Variants in CCDC110 observed in about 807,000 individuals in gnomAD.
The protein encoded by CCDC110 is coiled-coil domain-containing protein 110.
In CCDC110, 70 loss-of-function variants were observed where a neutral mutation model predicts 77.1. That is an observed-to-expected ratio of 0.91 (90% confidence interval 0.75 to 1.11). The LOEUF is 1.11. Among genes scored for constraint, CCDC110 ranks in the 50% least tolerant of loss-of-function variants. CCDC110 has a pLI of 0.00. For missense variants in CCDC110, 868 were observed against 942.9 expected (o/e 0.92, Z 1.04); for synonymous variants, 295 against 312.5 (o/e 0.94, Z 0.59).
At chr4:185,470,106 T>A (rs1340644928) in intron 2 of CCDC110, among the ~76,000 whole-genome samples, 6 of 152,246 alleles carry the variant, frequency 3.9e-5, no homozygotes, top group Non-Finnish European at 5.9e-5. Context: ...ATTTATGTGG[T>A]GCTTGAAAGC....
At chr4:185,470,669 T>G in intron 2 of CCDC110, 1 of 551,730 alleles carries the variant, frequency 1.8e-6, no homozygotes, top group Non-Finnish European at 3.5e-6. Flanking sequence ...CATTCCTCGC[T>G]GCCTGTGTGA....
In CCDC110 at chr4:185,459,078, C is replaced by T. The variant is rs770486351; in HGVS notation, c.1509G>A (p.Glu503=). Residue 503 remains glutamate, a synonymous_variant, in exon 6 of 7, where the codon GAG becomes GAA. Coordinates refer to ENST00000307588, the MANE Select transcript of CCDC110 (RefSeq NM_152775.4). ...TTATTTTTTTAAATTCTTTAAGACA[C>T]TCTTTGCTGTATTCTTCTGTTTTAC... ...KLSKTEEYSK[E]CLKEFKKIIS... The T allele has an allele frequency of 3.2e-6, 5 of 1,572,960 alleles. No homozygotes were observed. Among genetic ancestry groups the T allele is most frequent in the Non-Finnish European group, 4.3e-6 (5 of 1,153,970 alleles).
chr4:185,451,007 TG>T (rs1175607839), intron 6 of CCDC110, among the ~76,000 whole-genome samples: 1 of 152,196 alleles, frequency 6.6e-6, no homozygotes, highest in African/African-American at 2.4e-5. Context: ...GGGAGGGACC[TG>T]GTAGGAGTTA....
intron 1 of CCDC110, 151 bp downstream of exon 1, chr4:185,471,523 C>T (rs1184877664): frequency 5.7e-6 from 5 of 877,730 alleles, no homozygotes; most frequent in South Asian, 1.6e-5. Flanking sequence ...GGGTGCTCAG[C>T]CCTAGGGCCG....
chr4:185,465,192 G>A (rs930251975), intron 2 of CCDC110, among the ~76,000 whole-genome samples: 2 of 152,204 alleles, frequency 1.3e-5, no homozygotes, highest in Non-Finnish European at 2.9e-5. Context: ...TATTCTGAGT[G>A]ATGTAACTGT....
chr4:185,460,128 A>T lies in CCDC110; in HGVS notation c.459T>A (p.Ser153Arg). 1 of 1,613,468 alleles carries T rather than the reference A, an allele frequency of 6.2e-7. No individual in the cohort carries two copies. The highest frequency in any genetic ancestry group is 8.5e-7 in the Non-Finnish European group (1 of 1,179,874). The change falls in exon 6 of 7, where the codon AGT (serine) becomes AGA (arginine). Residue 153 changes from serine (S) to arginine (R), a missense_variant. Coordinates refer to ENST00000307588, the MANE Select transcript of CCDC110 (RefSeq NM_152775.4). ...EEKLSGDSVN[S>R]LPQSVNVPSQ... is the part of the protein sequence containing the mutation. The stretch of plus-strand genomic sequence containing the variant: ...ATGGAACATTTACACTTTGAGGGAG[A>T]CTGTTCACACTATCACCACTTAATT...
At chr4:185,447,327 G>A (rs909626707) in intron 6 of CCDC110, among the ~76,000 whole-genome samples, 19 of 151,782 alleles carry the variant, frequency 1.3e-4, no homozygotes, top group Middle Eastern at 3.2e-3. Context: ...GACTACAGGC[G>A]CCCGCCACCA....
intron 6 of CCDC110, among the ~76,000 whole-genome samples, chr4:185,447,105 T>C (rs1028156497): frequency 6.6e-6 from 1 of 152,246 alleles, no homozygotes; most frequent in Non-Finnish European, 1.5e-5. Context: ...GTCTTTTATG[T>C]GTTATAGTCA....
intron 6 of CCDC110, chr4:185,452,426 A>G: frequency 1.0e-6 from 1 of 956,452 alleles, no homozygotes; most frequent in Non-Finnish European, 1.2e-6. Flanking sequence ...GCTTAACTTT[A>G]AGGGAAACTT....
chr4:185,463,585 T>C (rs2095650268), intron 2 of CCDC110, among the ~76,000 whole-genome samples: 1 of 152,224 alleles, frequency 6.6e-6, no homozygotes, highest in Admixed American at 6.5e-5. Flanking sequence ...TGAATGGGCC[T>C]GGGCCTGGAA....
chr4:185,468,788 C>T lies in CCDC110; in HGVS notation c.115+2157G>A, dbSNP rs1468735401. ...CAAATATTCCTCCCCCCCTTCTCAG[C>T]CTTATGTTCTCCATAGAATTTATTC... On this transcript the variant is annotated intron_variant, in intron 2 of 6. Coordinates refer to ENST00000307588, the MANE Select transcript of CCDC110 (RefSeq NM_152775.4). This position sits in a 1 kb window ranked among gnomAD's most constrained non-coding sequence, Gnocchi z 4.5. Among the ~76,000 whole-genome samples the T allele has an allele frequency of 6.6e-6, 1 of 152,150 alleles. No homozygotes were observed. Among genetic ancestry groups the T allele is most frequent in the Admixed American group, 6.5e-5 (1 of 15,280 alleles).
chr4:185,464,247 C>T (rs1432497071), intron 2 of CCDC110, among the ~76,000 whole-genome samples: 2 of 152,094 alleles, frequency 1.3e-5, no homozygotes, highest in African/African-American at 2.4e-5. Flanking sequence ...TTAGAGAAGC[C>T]GCTTGCAAAG....
intron 6 of CCDC110, 150 bp from the exon 7 acceptor site, chr4:185,445,692 A>G (rs1474454648): frequency 1.8e-6 from 1 of 565,152 alleles, no homozygotes; most frequent in African/African-American, 1.9e-5. Flanking sequence ...TGGAGTAAAA[A>G]CAATCAGTTA....
intron 6 of CCDC110, among the ~76,000 whole-genome samples, chr4:185,453,217 TAAAAC>T (rs939072271): frequency 5.9e-5 from 9 of 151,954 alleles, no homozygotes; most frequent in South Asian, 2.1e-4. Context: ...ACAAACAAAC[TAAAAC>T]AAAACAAAAC....
intron 6 of CCDC110, among the ~76,000 whole-genome samples, chr4:185,452,837 G>C (rs946451314): frequency 7.0e-6 from 1 of 143,540 alleles, no homozygotes; most frequent in Non-Finnish European, 1.5e-5. Flanking sequence ...GGAGGTTGCA[G>C]TGAGCCAAGA....
intron 2 of CCDC110, among the ~76,000 whole-genome samples, chr4:185,464,808 C>T (rs967266458): frequency 9.2e-5 from 14 of 151,962 alleles, no homozygotes; most frequent in African/African-American, 3.4e-4. Flanking sequence ...TTTAAAACTG[C>T]AAGTAGTGGA....
intron 6 of CCDC110, among the ~76,000 whole-genome samples, chr4:185,447,435 C>T (rs2095616869): frequency 6.6e-6 from 1 of 152,178 alleles, no homozygotes; most frequent in Non-Finnish European, 1.5e-5. Context: ...CCACCTTGGC[C>T]TCCCAAAGTG....
At chr4:185,447,495 C>G (rs1231928646) in intron 6 of CCDC110, among the ~76,000 whole-genome samples, 1 of 152,026 alleles carries the variant, frequency 6.6e-6, no homozygotes, top group African/African-American at 2.4e-5. Context: ...TATATTTTTT[C>G]AAAACATTTA....
chr4:185,449,110 A>T (rs2095623619), intron 6 of CCDC110, among the ~76,000 whole-genome samples: 1 of 152,206 alleles, frequency 6.6e-6, no homozygotes, highest in Non-Finnish European at 1.5e-5. Flanking sequence ...TCTTCTAAGT[A>T]TATATGGCTT....
Sources: gnomAD v4.1 joint callset for allele counts (sites outside exome capture counted in the v4.1 genomes callset) on GRCh38, gnomAD v4.1.1 for gene constraint, Gnocchi (gnomAD v3.1) non-coding constraint, MANE v1.5 for transcripts, NCBI Gene and HGNC (gene_info 2026-07-23, HGNC 2026-07-21) for gene names.